The following BTBD10 variants were observed in gnomAD, a reference collection of about 807,000 sequenced individuals.
BTBD10 encodes BTB/POZ domain-containing protein 10.
In BTBD10, 21 loss-of-function variants were observed where a neutral mutation model predicts 53.2. The observed-to-expected ratio is 0.39, with a 90% confidence interval of 0.28 to 0.57. The LOEUF (loss-of-function observed/expected upper bound fraction) is 0.57. Among genes scored for constraint, BTBD10 ranks in the 20% least tolerant of loss-of-function variants. BTBD10 has a pLI of 0.53. For synonymous variants in BTBD10, 149 were observed against 192.7 expected, an observed-to-expected ratio of 0.77 and a Z score of 1.88; for missense variants, 360 against 594.7, an observed-to-expected ratio of 0.61 and a Z score of 4.10.
At chr11:13,444,589 T>C (rs1048440298) in intron 2 of BTBD10, among the ~76,000 whole-genome samples, 1 of 152,176 alleles carries the variant, frequency 6.6e-6, no homozygotes, top group African/African-American at 2.4e-5. Flanking sequence ...ATGAGAAGGA[T>C]GACAACACAA....
intron 2 of BTBD10, among the ~76,000 whole-genome samples, chr11:13,423,840 C>G (rs997728179): frequency 6.6e-6 from 1 of 152,088 alleles, no homozygotes; most frequent in Non-Finnish European, 1.5e-5. Context: ...AAAGTTACTT[C>G]TAAGGAAATA....
At chr11:13,458,243 T>A (rs942490344) in intron 1 of BTBD10, among the ~76,000 whole-genome samples, 4 of 152,122 alleles carry the variant, frequency 2.6e-5, no homozygotes, top group Non-Finnish European at 5.9e-5. Context: ...AATATGGCAG[T>A]TTTTCCTTTT....
At chr11:13,424,241 C>T (rs1194434266) in intron 2 of BTBD10, among the ~76,000 whole-genome samples, 1 of 152,068 alleles carries the variant, frequency 6.6e-6, no homozygotes, top group African/African-American at 2.4e-5. Flanking sequence ...ACGAGTAAGA[C>T]AAATACAAGC....
chr11:13,449,960 G>C (rs575281466), intron 1 of BTBD10, among the ~76,000 whole-genome samples: 2 of 152,010 alleles, frequency 1.3e-5, no homozygotes, highest in South Asian at 4.2e-4. Flanking sequence ...TGGATTTTTG[G>C]GGACACAGTC....
At chr11:13,414,413 G>C (rs574286669) in intron 5 of BTBD10, among the ~76,000 whole-genome samples, 1 of 152,232 alleles carries the variant, frequency 6.6e-6, no homozygotes, top group Non-Finnish European at 1.5e-5. Context: ...CAGAACTTTG[G>C]GAGGCCGAGG....
In BTBD10 at chr11:13,388,743, TGAA is replaced by T. The variant is rs1949323502; in HGVS notation, c.*85_*87del. 11 of 1,351,662 alleles carry T rather than the reference TGAA, an allele frequency of 8.1e-6. No homozygotes were observed. Among genetic ancestry groups the T allele is most frequent in the South Asian group, 2.7e-5 (2 of 74,938 alleles). 83.7% of individuals were successfully genotyped at this position (1,351,662 alleles called of 1,614,324 possible). A position where few individuals can be genotyped will look rare whatever the true frequency, so the allele number is the denominator to read the frequency against. On this transcript the variant is annotated 3_prime_UTR_variant, in exon 9 of 9. Transcript: ENST00000278174. ...AAACATTGTTATGTGCATCTCACAA[TGAA>T]GAAGAGTGGCCTTGCAGTGCAGAAT...
chr11:13,444,563 T>G (rs368446568), intron 2 of BTBD10, among the ~76,000 whole-genome samples: 1 of 152,146 alleles, frequency 6.6e-6, no homozygotes. Flanking sequence ...TCCAGAAAGA[T>G]TAATTTTTCT....
chr11:13,434,525 A>T (rs891220912), intron 2 of BTBD10, among the ~76,000 whole-genome samples: 5 of 152,254 alleles, frequency 3.3e-5, no homozygotes, highest in Non-Finnish European at 5.9e-5. Context: ...CAACCATGTT[A>T]AAAAGGTAGA....
intron 6 of BTBD10, among the ~76,000 whole-genome samples, chr11:13,412,613 AT>A (rs1247628252): frequency 1.3e-5 from 2 of 152,200 alleles, no homozygotes; most frequent in African/African-American, 4.8e-5. Flanking sequence ...AGCTCTGAGA[AT>A]TTTTTGTATT....
intron 8 of BTBD10, among the ~76,000 whole-genome samples, chr11:13,399,455 T>C (rs912193424): frequency 1.3e-5 from 2 of 152,218 alleles, no homozygotes; most frequent in African/African-American, 4.8e-5. Flanking sequence ...CGTCTAATTT[T>C]TTTTCAAAGT....
chr11:13,413,698 T>G (rs1210490754), intron 5 of BTBD10, 48 bp from the exon 6 acceptor site: 1 of 1,525,568 alleles, frequency 6.6e-7, no homozygotes. Flanking sequence ...GAGCATAAGG[T>G]AGCCAAAACT....
chr11:13,433,813 G>A (rs1178887048), intron 2 of BTBD10, among the ~76,000 whole-genome samples: 1 of 152,078 alleles, frequency 6.6e-6, no homozygotes, highest in Non-Finnish European at 1.5e-5. Context: ...GCTGACCCCT[G>A]TATTAAATGT....
intron 1 of BTBD10, among the ~76,000 whole-genome samples, chr11:13,452,091 T>C (rs970795265): frequency 1.3e-5 from 2 of 151,906 alleles, no homozygotes; most frequent in Admixed American, 6.6e-5. Flanking sequence ...TTGAAGAAAA[T>C]TGAAAAGAGA....
Position 13,427,229 on chromosome 11 carries a change from A to G in BTBD10, c.102-5391T>C, listed in dbSNP as rs74814311. Among the ~76,000 whole-genome samples, 1,112 of 152,092 alleles carry G rather than the reference A, an allele frequency of 7.3e-3. 15 individuals carry two copies. Among genetic ancestry groups the G allele is most frequent in the African/African-American group, 0.025 (1,036 of 41,496 alleles). On this transcript the variant is annotated intron_variant, in intron 2 of 8. Coordinates refer to ENST00000278174, the MANE Select transcript of BTBD10 (RefSeq NM_032320.7). ...GAGACCCTGTCTTAAAATAATAATA[A>G]TAATAATAAGCCAGGTCCAACTATA...
At position 13,423,793 on chromosome 11, in the gene BTBD10, C is replaced by T. The variant is rs1365640379; in HGVS notation, c.102-1955G>A. The stretch of plus-strand genomic sequence containing the variant: ...TCATCACCTTGCTATAACAGAATAC[C>T]AGGACAGAAGATAAAGTTGACTTTG... On this transcript the variant is annotated intron_variant, in intron 2 of 8. Transcript: ENST00000278174. Among the ~76,000 whole-genome samples the T allele has an allele frequency of 2.0e-5, 3 of 151,864 alleles. 1 individual carries two copies. Among genetic ancestry groups the T allele is most frequent in the Non-Finnish European group, 4.4e-5 (3 of 67,960 alleles).
At chr11:13,390,880 C>T (rs1949391526) in intron 8 of BTBD10, among the ~76,000 whole-genome samples, 1 of 152,148 alleles carries the variant, frequency 6.6e-6, no homozygotes, top group Non-Finnish European at 1.5e-5. Flanking sequence ...GTGAACAAAA[C>T]TGAAAATCTA....
intron 8 of BTBD10, among the ~76,000 whole-genome samples, chr11:13,398,534 C>T (rs1222480590): frequency 6.6e-6 from 1 of 152,102 alleles, no homozygotes; most frequent in Non-Finnish European, 1.5e-5. Context: ...AGCATTTAGC[C>T]CATTTACATT....
rs368256250 is a variant in BTBD10, at chr11:13,421,885, T to C, written c.102-47A>G. On this transcript the variant is annotated intron_variant, in intron 2 of 8. Transcript: ENST00000278174. ...TTAACCATAAAAGCAGAACATAAGATTGGAAACATTTTAAAAGAAACACCC... is the reference window on the plus strand; with the variant it reads ...TTAACCATAAAAGCAGAACATAAGACTGGAAACATTTTAAAAGAAACACCC... 17 of 1,438,414 alleles carry C rather than the reference T, an allele frequency of 1.2e-5. No individual in the cohort carries two copies. The African/African-American group carries it at 2.3e-4, about 19-fold the overall frequency. The allele number at this position is 1,438,414 out of a possible 1,614,324, so 89.1% of individuals were successfully genotyped here. A position where few individuals can be genotyped will look rare whatever the true frequency, so the allele number is the denominator to read the frequency against.
rs1168211588 is a variant in BTBD10, at chr11:13,459,042, ATTTT to A, written c.-58+4046_-58+4049del. On this transcript the variant is annotated intron_variant, in intron 1 of 8. Transcript: ENST00000278174. ...AGCATTAAAATTTATTTATTTATTT[ATTTT>A]TTTATTTATTTATTTTTTTTTTTTT... Among the ~76,000 whole-genome samples, 217 of 145,006 alleles carry A rather than the reference ATTTT, an allele frequency of 1.5e-3. 1 individual carries two copies. Among genetic ancestry groups the A allele is most frequent in the African/African-American group, 5.2e-3 (200 of 38,694 alleles).
Sources: gnomAD v4.1 joint callset for allele counts (sites outside exome capture counted in the v4.1 genomes callset) on GRCh38, gnomAD v4.1.1 for gene constraint, MANE v1.5 for transcripts, NCBI Gene and HGNC (gene_info 2026-07-23, HGNC 2026-07-21) for gene names.